Variants in PLS1 observed in about 807,000 individuals in gnomAD.
The protein encoded by PLS1 is plastin 1.
PLS1 carries 32 observed loss-of-function variants against 73.7 expected under a neutral mutation model. That is an observed-to-expected ratio of 0.43 (90% CI 0.33 to 0.58). The LOEUF is 0.58. PLS1 is among the 20% of genes least tolerant of loss of function. PLS1 has a pLI of 0.04. For synonymous variants in PLS1, 217 were observed against 261.3 expected (o/e 0.83, Z 1.63); for missense variants, 633 against 740.5 (o/e 0.85, Z 1.68).
At chr3:142,645,885 C>G (rs570666344) in intron 1 of PLS1, among the ~76,000 whole-genome samples, 1 of 152,186 alleles carries the variant, frequency 6.6e-6, no homozygotes, top group African/African-American at 2.4e-5. Context: ...ATTCTGCCCA[C>G]ACTTCACCCT....
chr3:142,638,976 G>A (rs1275447221), intron 1 of PLS1, among the ~76,000 whole-genome samples: 6 of 152,008 alleles, frequency 3.9e-5, no homozygotes, highest in African/African-American at 1.5e-4. Flanking sequence ...CCCGACCTCA[G>A]GTGATCTGCC....
intron 8 of PLS1, among the ~76,000 whole-genome samples, chr3:142,685,020 C>T (rs2037935114): frequency 6.6e-6 from 1 of 151,520 alleles, no homozygotes; most frequent in Non-Finnish European, 1.5e-5. Flanking sequence ...TATGTCCTCC[C>T]CCATCCTGCC....
chr3:142,668,928 T>C (rs1333033517), intron 2 of PLS1, among the ~76,000 whole-genome samples: 1 of 152,156 alleles, frequency 6.6e-6, no homozygotes, highest in Non-Finnish European at 1.5e-5. Flanking sequence ...CTTTGATGCT[T>C]AGTCATGTGC....
chr3:142,631,054 G>A (rs1269985604), intron 1 of PLS1, among the ~76,000 whole-genome samples: 1 of 151,848 alleles, frequency 6.6e-6, no homozygotes, highest in African/African-American at 2.4e-5. Flanking sequence ...AACAGATGGT[G>A]TTGGAAAATT....
intron 1 of PLS1, chr3:142,656,855 C>T (rs1298471439): frequency 6.6e-6 from 1 of 152,176 alleles, no homozygotes; most frequent in Non-Finnish European, 1.5e-5. Flanking sequence ...AACTTCTACT[C>T]ACCAGAGATA....
At chr3:142,683,960 C>T (rs759547322) in intron 6 of PLS1, 46 bp from the exon 7 acceptor site, 1 of 1,440,810 alleles carries the variant, frequency 6.9e-7, no homozygotes, top group Non-Finnish European at 9.5e-7. Flanking sequence ...TAGATAAGAC[C>T]TTAGAAAGGA....
At chr3:142,610,041 G>C (rs2036090832) in intron 1 of PLS1, among the ~76,000 whole-genome samples, 2 of 152,104 alleles carry the variant, frequency 1.3e-5, no homozygotes, top group South Asian at 4.1e-4. Flanking sequence ...GCTAATTTTT[G>C]TATTTTTAGT....
intron 1 of PLS1, among the ~76,000 whole-genome samples, chr3:142,644,535 G>C (rs1466720735): frequency 6.6e-6 from 1 of 152,188 alleles, no homozygotes; most frequent in Non-Finnish European, 1.5e-5. Context: ...TTATAGGCGT[G>C]AGCCACGGTG....
At chr3:142,648,043 C>T (rs2108629901) in intron 1 of PLS1, among the ~76,000 whole-genome samples, 1 of 152,262 alleles carries the variant, frequency 6.6e-6, no homozygotes. Context: ...GACTCCCTTA[C>T]TAAGTTGTAA....
At chr3:142,625,123 A>T (rs1416658275) in intron 1 of PLS1, among the ~76,000 whole-genome samples, 2 of 152,182 alleles carry the variant, frequency 1.3e-5, no homozygotes, top group African/African-American at 4.8e-5. Flanking sequence ...TGTAAAAGGC[A>T]CTATTGCTTG....
chr3:142,599,001 A>G (rs767056732), intron 1 of PLS1, among the ~76,000 whole-genome samples: 15 of 144,036 alleles, frequency 1.0e-4, no homozygotes, highest in Non-Finnish European at 2.0e-4. Context: ...ACTGCATCTG[A>G]AAAAAAAAAA....
chr3:142,709,162 T>C (rs1932986424), intron 14 of PLS1, among the ~76,000 whole-genome samples: 1 of 152,206 alleles, frequency 6.6e-6, no homozygotes, highest in African/African-American at 2.4e-5. Context: ...AGTACACATT[T>C]AGAGTCATCT....
chr3:142,692,606 A>C (rs564398950), intron 10 of PLS1, among the ~76,000 whole-genome samples: 1 of 152,288 alleles, frequency 6.6e-6, no homozygotes, highest in Non-Finnish European at 1.5e-5. Context: ...ATAATTATAT[A>C]ATCAGTTGAG....
chr3:142,598,152 TG>T (rs1478307619), intron 1 of PLS1, among the ~76,000 whole-genome samples: 1 of 152,202 alleles, frequency 6.6e-6, no homozygotes, highest in Non-Finnish European at 1.5e-5. Flanking sequence ...CACTTACTAC[TG>T]TTGTTTGTGC....
At chr3:142,671,692 G>T (rs1301206323) in intron 4 of PLS1, among the ~76,000 whole-genome samples, 3 of 152,158 alleles carry the variant, frequency 2.0e-5, no homozygotes, top group South Asian at 4.2e-4. Flanking sequence ...TTAAGATGAG[G>T]TGTCTTCCCC....
At chr3:142,698,237 G>T in intron 12 of PLS1, 170 bp downstream of exon 12, 1 of 524,404 alleles carries the variant, frequency 1.9e-6, no homozygotes, top group Non-Finnish European at 3.4e-6. Context: ...TGAAGATGAA[G>T]GCAATCCCTC....
intron 11 of PLS1, among the ~76,000 whole-genome samples, chr3:142,695,334 ATGT>A (rs1320531365): frequency 1.3e-5 from 2 of 152,226 alleles, no homozygotes; most frequent in Non-Finnish European, 2.9e-5. Context: ...AGGATTTATG[ATGT>A]TGTAATTTCT....
intron 1 of PLS1, among the ~76,000 whole-genome samples, chr3:142,603,319 A>G (rs1355108237): frequency 6.6e-6 from 1 of 152,164 alleles, no homozygotes; most frequent in Non-Finnish European, 1.5e-5. Flanking sequence ...GAGGAGTTAG[A>G]TGATTGGGAG....
chr3:142,703,952 G>A lies in PLS1; in HGVS notation c.1456G>A (p.Glu486Lys). The change falls in exon 13 of 16, where the codon GAA (glutamate) becomes AAA (lysine). Residue 486 changes from glutamate to lysine, a missense_variant. By Grantham distance (56) the Glu-to-Lys change is moderately conservative. Coordinates refer to ENST00000457734, the MANE Select transcript of PLS1 (RefSeq NM_001145319.2). ...LVGIAGQDLN[E>K]GNSTLTLALV... is the part of the protein sequence containing the mutation. ...TGGCATTGCTGGGCAGGACCTAAAT[G>A]AAGGGAATTCAACACTTACCCTGGC... The A allele has an allele frequency of 6.2e-7, 1 of 1,613,928 alleles. No homozygotes were observed. The highest frequency in any genetic ancestry group is 8.5e-7 in the Non-Finnish European group (1 of 1,179,814).
Sources: allele counts gnomAD v4.1 joint callset (sites outside exome capture counted in the v4.1 genomes callset), GRCh38; gene constraint gnomAD v4.1.1; transcripts MANE v1.5; gene names NCBI Gene and HGNC (gene_info 2026-07-23, HGNC 2026-07-21).